Variants in GRM7 observed in about 807,000 individuals in gnomAD.
The protein encoded by GRM7 is glutamate metabotropic receptor 7, also known as metabotropic glutamate receptor 7.
In GRM7, 35 loss-of-function variants were observed where a neutral mutation model predicts 84.5. The ratio of observed to expected loss-of-function variants is 0.41; its 90% CI spans 0.32 to 0.55. The LOEUF (loss-of-function observed/expected upper bound fraction) is 0.55. Among genes scored for constraint, GRM7 ranks in the 20% least tolerant of loss-of-function variants. The pLI is 0.19. For missense variants in GRM7, 1,003 were observed against 1,194.6 expected, an observed-to-expected ratio of 0.84 and a Z score of 2.36; for synonymous variants, 487 against 455.1, an observed-to-expected ratio of 1.07 and a Z score of -0.89.
intron 1 of GRM7, among the ~76,000 whole-genome samples, chr3:7,063,458 C>T (rs1026187065): frequency 6.6e-6 from 1 of 151,688 alleles, no homozygotes; most frequent in African/African-American, 2.4e-5. Flanking sequence ...ACTAGCTACA[C>T]CTCAGAGGCG....
At position 7,454,090 on chromosome 3, in the gene GRM7, A is replaced by ACTCTCTCT. The variant is rs58338960; in HGVS notation, c.1375+1315_1375+1322dup. On this transcript the variant is annotated intron_variant, in intron 6 of 9. Transcript: ENST00000357716. ...ACCATACATGAAAAGCTACACACAC[A>ACTCTCTCT]CTCTCTCTCTCTCTCTCTCTCTCTC... 2.1e-3 allele frequency among the ~76,000 whole-genome samples: 288 copies of ACTCTCTCT among 140,144 alleles called. 2 individuals are homozygous for ACTCTCTCT. Among genetic ancestry groups the ACTCTCTCT allele is most frequent in the African/African-American group, 3.7e-3 (134 of 35,908 alleles). The allele number at this position is 140,144 out of a possible 152,430, so 91.9% of individuals were successfully genotyped here. A position where few individuals can be genotyped will look rare whatever the true frequency, so the allele number is the denominator to read the frequency against.
chr3:7,045,523 G>A (rs547971851), intron 1 of GRM7, among the ~76,000 whole-genome samples: 3 of 152,186 alleles, frequency 2.0e-5, no homozygotes, highest in African/African-American at 7.2e-5. Flanking sequence ...TGTGCCCTTT[G>A]ACTAATATCT....
chr3:7,310,000 AACTAG>A (rs1015164401), intron 4 of GRM7, among the ~76,000 whole-genome samples: 17 of 152,144 alleles, frequency 1.1e-4, no homozygotes, highest in Non-Finnish European at 1.5e-5. Context: ...TTGCCCCATT[AACTAG>A]ACTCTTAATA....
intron 1 of GRM7, among the ~76,000 whole-genome samples, chr3:6,879,016 A>G (rs564720165): frequency 4.3e-4 from 66 of 152,346 alleles, no homozygotes; most frequent in African/African-American, 1.5e-3. Context: ...ACAGAGACCC[A>G]TAGGAGTGCA....
chr3:7,492,476 C>T (rs1699556416), intron 7 of GRM7, among the ~76,000 whole-genome samples: 1 of 151,946 alleles, frequency 6.6e-6, no homozygotes, highest in East Asian at 1.9e-4. Flanking sequence ...TTTTCAGTTG[C>T]TGTATTTATG....
intron 1 of GRM7, among the ~76,000 whole-genome samples, chr3:7,140,281 A>G (rs2125061778): frequency 6.6e-6 from 1 of 152,172 alleles, no homozygotes; most frequent in Non-Finnish European, 1.5e-5. Context: ...GTCAGAAAAA[A>G]CATGAAGTGG....
intron 9 of GRM7, among the ~76,000 whole-genome samples, chr3:7,698,255 T>C (rs1701095324): frequency 6.6e-6 from 1 of 152,176 alleles, no homozygotes; most frequent in Non-Finnish European, 1.5e-5. Flanking sequence ...AGAGGGATCG[T>C]CCTCAATAAA....
intron 7 of GRM7, among the ~76,000 whole-genome samples, chr3:7,525,550 G>A (rs972635230): frequency 6.6e-6 from 1 of 152,148 alleles, no homozygotes; most frequent in Admixed American, 6.6e-5. Flanking sequence ...TTATGTTCAT[G>A]TGTGTGTATG....
chr3:7,489,251 A>T (rs780691534), intron 7 of GRM7, among the ~76,000 whole-genome samples: 48 of 152,304 alleles, frequency 3.2e-4, no homozygotes, highest in Admixed American at 7.8e-4. Context: ...CATTTTAAAA[A>T]TTTTTTTATG....
intron 5 of GRM7, among the ~76,000 whole-genome samples, chr3:7,440,908 C>T (rs1697260740): frequency 6.6e-6 from 1 of 152,044 alleles, no homozygotes; most frequent in Admixed American, 6.6e-5. Flanking sequence ...GATGGAAATA[C>T]AAGTCAATGC....
In GRM7 at chr3:7,146,501, G is replaced by T; in HGVS notation, c.569G>T (p.Arg190Leu). ...ACGGCACCCGAGCTAAGTGATGACC[G>T]GCGCTATGACTTCTTCTCTCGCGTG... ...ASTAPELSDD[R>L]RYDFFSRVVP... Residue 190 changes from arginine to leucine, a missense_variant, in exon 2 of 10, where the codon CGG becomes CTG. Transcript: ENST00000357716. The T allele has an allele frequency of 1.2e-6, 2 of 1,613,884 alleles. No individual in the cohort carries two copies. The highest frequency in any genetic ancestry group is 1.7e-6 in the Non-Finnish European group (2 of 1,179,954).
chr3:7,071,160 G>T (rs1263132584), intron 1 of GRM7, among the ~76,000 whole-genome samples: 2 of 152,008 alleles, frequency 1.3e-5, no homozygotes. Context: ...TCTTCTGTTT[G>T]ATTCTTACCT....
intron 2 of GRM7, among the ~76,000 whole-genome samples, chr3:7,290,329 C>G (rs957477587): frequency 6.6e-6 from 1 of 152,134 alleles, no homozygotes; most frequent in African/African-American, 2.4e-5. Context: ...TCTAAGTATT[C>G]TTTTAGTTCC....
chr3:7,412,019 GCTCTCTC>G (rs1031539148), intron 4 of GRM7, among the ~76,000 whole-genome samples: 17 of 126,548 alleles, frequency 1.3e-4, no homozygotes, highest in Admixed American at 3.6e-4. Context: ...TTCTCTTTTT[GCTCTCTC>G]CTCTCTCCTC....
chr3:7,039,562 T>A (rs948497272), intron 1 of GRM7, among the ~76,000 whole-genome samples: 14 of 152,300 alleles, frequency 9.2e-5, no homozygotes, highest in Non-Finnish European at 1.5e-4. Flanking sequence ...TGACAGTGTA[T>A]CAAATGCATG....
At chr3:7,305,813 C>T (rs1370102310) in intron 3 of GRM7, among the ~76,000 whole-genome samples, 1 of 152,106 alleles carries the variant, frequency 6.6e-6, no homozygotes, top group Non-Finnish European at 1.5e-5. Context: ...TGGTCTTACC[C>T]ACCAAAGGGG....
chr3:7,637,731 G>A (rs894734042), intron 8 of GRM7, among the ~76,000 whole-genome samples: 8 of 152,166 alleles, frequency 5.3e-5, no homozygotes, highest in African/African-American at 1.9e-4. Context: ...CAATGGTGTT[G>A]CCCTGTCACT....
At chr3:6,987,149 T>C (rs935742279) in intron 1 of GRM7, among the ~76,000 whole-genome samples, 1 of 152,216 alleles carries the variant, frequency 6.6e-6, no homozygotes, top group African/African-American at 2.4e-5. Flanking sequence ...CTCTTTTTTC[T>C]TCTAGCCTTC....
chr3:7,077,929 A>G (rs1698149877), intron 1 of GRM7, among the ~76,000 whole-genome samples: 1 of 152,126 alleles, frequency 6.6e-6, no homozygotes, highest in Non-Finnish European at 1.5e-5. Context: ...AGGTTGGCAA[A>G]TTTTTCTGAA....
Sources: allele counts gnomAD v4.1 joint callset (sites outside exome capture counted in the v4.1 genomes callset), GRCh38; gene constraint gnomAD v4.1.1; transcripts MANE v1.5; gene names NCBI Gene and HGNC (gene_info 2026-07-23, HGNC 2026-07-21).